The following JAKMIP3 variants were observed in gnomAD, a reference collection of about 807,000 sequenced individuals.
The protein encoded by JAKMIP3 is janus kinase and microtubule-interacting protein 3.
JAKMIP3 carries 58 observed loss-of-function variants against 118.5 expected under a neutral mutation model. The ratio of observed to expected loss-of-function variants is 0.49; its 90% confidence interval spans 0.40 to 0.61. The LOEUF is 0.61. JAKMIP3 is among the 20% of genes least tolerant of loss of function. The probability of loss-of-function intolerance (pLI) is 0.00; values close to 1 mark genes in which losing one functional copy is unlikely to be tolerated. For synonymous variants in JAKMIP3, 486 were observed against 451.2 expected (o/e 1.08, Z -0.98); for missense variants, 950 against 1,109.0 (o/e 0.86, Z 2.04).
chr10:132,169,306 G>A (rs572539052), intron 23 of JAKMIP3, among the ~76,000 whole-genome samples: 3 of 152,148 alleles, frequency 2.0e-5, no homozygotes, highest in Non-Finnish European at 4.4e-5. Context: ...CCTCCCACTT[G>A]CAGGAGGAGG....
At chr10:132,087,139 A>G (rs1357677731) in intron 1 of JAKMIP3, among the ~76,000 whole-genome samples, 2 of 152,216 alleles carry the variant, frequency 1.3e-5, no homozygotes, top group Non-Finnish European at 2.9e-5. Context: ...ACTGGATACA[A>G]AAGAGTTGGC....
At chr10:132,063,289 G>A (rs896434707), upstream of JAKMIP3, among the ~76,000 whole-genome samples, 5 of 152,156 alleles carry the variant, frequency 3.3e-5, no homozygotes, top group Non-Finnish European at 7.3e-5. Flanking sequence ...ACACAAGTGA[G>A]GCCTGCTGTT....
At position 132,138,015 on chromosome 10, in the gene JAKMIP3, G is replaced by T; in HGVS notation, c.1285-104G>T. ...GTGGGGACAAGCCAGCCCAGACACC[G>T]TCTTCCCTGTCATCCAAATGATGGC... On this transcript the variant is annotated intron_variant, in intron 8 of 23. Transcript: ENST00000684848. The T allele has an allele frequency of 3.6e-6, 4 of 1,102,284 alleles. No homozygotes were observed. The South Asian group carries it at 5.6e-5, about 15-fold the overall frequency. The allele number at this position is 1,102,284 out of a possible 1,614,324, so 68.3% of individuals were successfully genotyped here. A position where few individuals can be genotyped will look rare whatever the true frequency, so the allele number is the denominator to read the frequency against.
At chr10:132,089,510 G>C (rs1057064661) in intron 1 of JAKMIP3, among the ~76,000 whole-genome samples, 2 of 152,158 alleles carry the variant, frequency 1.3e-5, no homozygotes, top group African/African-American at 4.8e-5. Context: ...CTCTCTGTTT[G>C]TCTGTTATTG....
intron 1 of JAKMIP3, among the ~76,000 whole-genome samples, chr10:132,045,126 G>C (rs1167508530): frequency 2.6e-5 from 4 of 152,112 alleles, no homozygotes; most frequent in African/African-American, 9.7e-5. Context: ...CCTCAGTTCA[G>C]GTTCCCACCA....
At chr10:132,098,018 TTTTC>T (rs1273019358) in intron 1 of JAKMIP3, among the ~76,000 whole-genome samples, 1 of 137,784 alleles carries the variant, frequency 7.3e-6, no homozygotes, top group African/African-American at 2.6e-5. Flanking sequence ...TTCCTTTTTT[TTTTC>T]TTTCTTCTTT....
intron 16 of JAKMIP3, 96 bp downstream of exon 16, chr10:132,150,137 C>G (rs1212525239): frequency 2.0e-6 from 2 of 991,768 alleles, no homozygotes; most frequent in Non-Finnish European, 3.0e-6. Context: ...CTCCCACAGC[C>G]CTGCCATGGG....
At chr10:132,039,194 C>T (rs1020182826) in intron 1 of JAKMIP3, among the ~76,000 whole-genome samples, 2 of 152,130 alleles carry the variant, frequency 1.3e-5, no homozygotes, top group Non-Finnish European at 2.9e-5. Flanking sequence ...GTATATTGCC[C>T]AAGCTGGTCT....
At chr10:132,108,889 A>G (rs1354387923) in intron 2 of JAKMIP3, among the ~76,000 whole-genome samples, 1 of 149,232 alleles carries the variant, frequency 6.7e-6, no homozygotes, top group African/African-American at 2.4e-5. Context: ...ACAAATGTAT[A>G]TATAAATTAT....
intron 23 of JAKMIP3, among the ~76,000 whole-genome samples, chr10:132,178,505 T>G (rs2060397661): frequency 6.6e-6 from 1 of 152,214 alleles, no homozygotes; most frequent in Non-Finnish European, 1.5e-5. Context: ...AATGTTTGGC[T>G]AAAGTTTCTC....
chr10:132,138,226 C>A (rs778499485), intron 9 of JAKMIP3, 48 bp downstream of exon 9: 1 of 1,513,192 alleles, frequency 6.6e-7, no homozygotes, highest in East Asian at 2.4e-5. Context: ...CGGGTGTGTG[C>A]GGAGAGGACC....
rs528763292 is a variant in JAKMIP3, at chr10:132,147,873, G to A, written c.1750-79G>A. 139 of 1,046,242 alleles carry A rather than the reference G, an allele frequency of 1.3e-4. No individual in the cohort carries two copies. The Admixed American group carries it at 2.2e-3, about 16-fold the overall frequency. The allele number at this position is 1,046,242 out of a possible 1,614,324, so 64.8% of individuals were successfully genotyped here. A position where few individuals can be genotyped will look rare whatever the true frequency, so the allele number is the denominator to read the frequency against. On this transcript the variant is annotated intron_variant, in intron 13 of 23. Coordinates refer to ENST00000684848, the MANE Select transcript of JAKMIP3 (RefSeq NM_001323087.2). ...CTCCCCGGCAGCCAGCAGCTGTCCC[G>A]TCAGCCTGGAGTTGACCTCCCAAGA...
upstream of JAKMIP3, among the ~76,000 whole-genome samples, chr10:132,063,071 C>T (rs900282520): frequency 3.9e-5 from 6 of 152,154 alleles, no homozygotes; most frequent in East Asian, 1.2e-3. Context: ...GTCTGGGAAT[C>T]AGCGATGGAG....
At chr10:132,133,570 C>T in intron 4 of JAKMIP3, 43 bp downstream of exon 4, 1 of 1,518,062 alleles carries the variant, frequency 6.6e-7, no homozygotes. Context: ...GTGTCACAGA[C>T]AGACCTGGCC....
At chr10:132,082,649 C>T (rs991377762) in intron 1 of JAKMIP3, among the ~76,000 whole-genome samples, 4 of 151,692 alleles carry the variant, frequency 2.6e-5, no homozygotes, top group African/African-American at 4.8e-5. Context: ...CTCACTCTGT[C>T]GCCCAGGCTG....
chr10:132,107,592 G>C (rs1361159470), intron 2 of JAKMIP3, among the ~76,000 whole-genome samples: 1 of 152,234 alleles, frequency 6.6e-6, no homozygotes, highest in African/African-American at 2.4e-5. Context: ...TCATGTTATG[G>C]TTTCCTGCAT....
In JAKMIP3 at chr10:132,180,742, C is replaced by CGTGTGTGTGTGTGT. The variant is rs1262889146; in HGVS notation, c.*1104-1612_*1104-1611insTGTGTGTGTGTGTG. ...GTGCGTGTGTGTGCGTGTGTGCGTG[C>CGTGTGTGTGTGTGT]GTGCGCGCGCGTGTGTGCGTGTGTG... On this transcript the variant is annotated intron_variant, in intron 23 of 23. Transcript: ENST00000684848. 9.2e-4 allele frequency among the ~76,000 whole-genome samples: 8 copies of CGTGTGTGTGTGTGT among 8,712 alleles called. 2 individuals are homozygous for CGTGTGTGTGTGTGT. The highest frequency in any genetic ancestry group is 1.3e-3 in the Non-Finnish European group (6 of 4,626). 5.7% of individuals were successfully genotyped at this position (8,712 alleles called of 152,430 possible). A position where few individuals can be genotyped will look rare whatever the true frequency, so the allele number is the denominator to read the frequency against.
chr10:132,170,629 A>G (rs1206560996), intron 23 of JAKMIP3, among the ~76,000 whole-genome samples: 1 of 152,080 alleles, frequency 6.6e-6, no homozygotes, highest in East Asian at 1.9e-4. Flanking sequence ...GGTGACTCGG[A>G]GCTTCTCCTG....
Position 132,135,962 on chromosome 10 carries a change from C to T in JAKMIP3, c.1002C>T (p.Tyr334=), listed in dbSNP as rs2051681643. Residue 334 remains tyrosine, a synonymous_variant, in exon 6 of 24, where the codon TAC becomes TAT. Transcript: ENST00000684848. The stretch of plus-strand genomic sequence containing the variant: ...GCGTAAGAGAAGCTGAGAGTCAGTA[C>T]AAGCCTCTGCTGGATAAAAACAAGC... ...LKRVREAESQ[Y]KPLLDKNKRL... The T allele has an allele frequency of 6.2e-7, 1 of 1,613,264 alleles. No individual in the cohort carries two copies. Among genetic ancestry groups the T allele is most frequent in the Non-Finnish European group, 8.5e-7 (1 of 1,179,644 alleles).
Sources: allele counts gnomAD v4.1 joint callset (sites outside exome capture counted in the v4.1 genomes callset), GRCh38; gene constraint gnomAD v4.1.1; transcripts MANE v1.5; gene names NCBI Gene and HGNC (gene_info 2026-07-23, HGNC 2026-07-21).